CFAP65: variants seen among roughly 807,000 people sequenced by gnomAD.
CFAP65 encodes cilia and flagella associated protein 65.
A neutral mutation model predicts 208.0 loss-of-function variants in CFAP65; 155 were observed. The ratio of observed to expected loss-of-function variants is 0.75; its 90% CI spans 0.65 to 0.85. The LOEUF (loss-of-function observed/expected upper bound fraction) is 0.85, where lower values mean the gene tolerates loss of function less well. Ranked by LOEUF, CFAP65 falls within the 40% of genes least tolerant of loss-of-function variation. The probability of loss-of-function intolerance (pLI) is 0.00; values close to 1 mark genes in which losing one functional copy is unlikely to be tolerated. For missense variants in CFAP65, 2,294 were observed against 2,451.3 expected (o/e 0.94, Z 1.36); for synonymous variants, 970 against 986.3 (o/e 0.98, Z 0.31).
rs1210145855 is a variant in CFAP65, at chr2:219,024,194, T to A, written c.2416A>T (p.Lys806Ter). The A allele has an allele frequency of 2.5e-6, 4 of 1,613,836 alleles. No homozygotes were observed. The African/African-American group carries it at 4.0e-5, about 16-fold the overall frequency. ...RSLLLVNKDCKLLTFSLAPQR... is the reference protein window; with the variant it reads ...RSLLLVNKDC ...GGGGCCAGGCTGAAGGTCAGCAGCT[T>A]GCAGTCTTTGTTGACCAGGAGCAGG... Residue 806 changes from lysine to a stop codon, truncating the protein, a stop_gained, in exon 15 of 35, where the codon AAG becomes TAG. Coordinates refer to ENST00000341552, the MANE Select transcript of CFAP65 (RefSeq NM_194302.4). LOFTEE classifies it high-confidence loss of function.
intron 4 of CFAP65, among the ~76,000 whole-genome samples, 160 bp from the exon 5 acceptor site, chr2:219,035,824 T>C (rs1031346759): frequency 6.6e-6 from 1 of 151,992 alleles, no homozygotes. Context: ...CCCTTGGGGA[T>C]GGTCTGGAGA....
intron 21 of CFAP65, among the ~76,000 whole-genome samples, chr2:219,017,526 C>A (rs1946980261): frequency 6.6e-6 from 1 of 152,192 alleles, no homozygotes; most frequent in Non-Finnish European, 1.5e-5. Flanking sequence ...AAAGGAAATA[C>A]AACAACAAAA....
chr2:219,006,420 T>A lies in CFAP65; in HGVS notation c.4719+45A>T, dbSNP rs781492313. The A allele has an allele frequency of 4.3e-6, 7 of 1,610,470 alleles. No individual in the cohort carries two copies. The African/African-American group carries it at 9.4e-5, about 22-fold the overall frequency. On this transcript the variant is annotated intron_variant, in intron 30 of 34. Transcript: ENST00000341552. ...TCTCTCTGGGAGCAAGCAAGGACCC[T>A]CCCAAGTTGTCCCAAGAAGATGGGC...
rs749896360 is a variant in CFAP65, at chr2:219,028,296, C to T, written c.1756G>A (p.Gly586Ser). 1.2e-6 allele frequency: 2 copies of T among 1,614,108 alleles called. No individual in the cohort carries two copies. Among genetic ancestry groups the T allele is most frequent in the South Asian group, 2.2e-5 (2 of 91,078 alleles). ...ATGTCAGGGGGGTAGAGCGTCAGGC[C>T]CCGGGCCAGGTGTGTGCGGTACCAG... The part of the protein sequence containing the change: ...LTWYRTHLAR[G>S]LTLYPPDILD... The change falls in exon 12 of 35, where the codon GGC becomes AGC. Residue 586 changes from glycine to serine, a missense_variant. Around this residue, in one of 2 missense-constraint regions of CFAP65, gnomAD observed 867 missense variants for 1,012.6 expected, o/e 0.86. Transcript: ENST00000341552.
rs978317835 is a variant in CFAP65, at chr2:219,035,566, A to G, written c.456T>C (p.His152=). The change falls in exon 5 of 35, where the codon CAT becomes CAC. Residue 152 remains histidine (H), a synonymous_variant. Transcript: ENST00000341552. ...CCTTTCCTAGCTCCCAGCCTTTCCA[A>G]TGCAGCTCCTCAGCCACCTCAATGC... ...IWGIEVAEEL[H]WKGWELGKET... 1.9e-6 allele frequency: 3 copies of G among 1,613,832 alleles called. No individual in the cohort carries two copies. The highest frequency in any genetic ancestry group is 2.2e-5 in the East Asian group (1 of 44,892).
At chr2:219,034,397 C>T (rs1337948473) in intron 5 of CFAP65, 1 of 151,888 alleles carries the variant, frequency 6.6e-6, no homozygotes, top group Non-Finnish European at 1.5e-5. Context: ...AGACAAAAGA[C>T]AAATATAAAA....
At chr2:219,024,475 C>A (rs61682338) in intron 14 of CFAP65, among the ~76,000 whole-genome samples, 2,000 of 32,910 alleles carry the variant, frequency 0.061, 214 homozygotes, top group African/African-American at 0.14. Flanking sequence ...CAGAAAGGGG[C>A]GGGGGGGGGG....
intron 5 of CFAP65, 69 bp downstream of exon 5, chr2:219,035,411 G>C: frequency 6.2e-7 from 1 of 1,613,624 alleles, no homozygotes; most frequent in South Asian, 1.1e-5. Flanking sequence ...GTTTTGTTTT[G>C]TTTTGAAGAG....
At chr2:219,013,011 G>T (rs911493496) in intron 24 of CFAP65, among the ~76,000 whole-genome samples, 13 of 151,890 alleles carry the variant, frequency 8.6e-5, no homozygotes, top group Non-Finnish European at 1.5e-4. Flanking sequence ...TTTTGCTAAA[G>T]GAAAAAAAAA....
At chr2:219,027,553 G>A in intron 13 of CFAP65, 97 bp downstream of exon 13, 1 of 1,612,968 alleles carries the variant, frequency 6.2e-7, no homozygotes, top group South Asian at 1.1e-5. Flanking sequence ...AGAGGATGGA[G>A]CCTGAAGCTG....
In CFAP65 at chr2:219,004,820, G is replaced by C. The variant is rs1945817483; in HGVS notation, c.5052-365C>G. ...TCCATCAGAGCCCCACTGTCCTGGGGTGGGGGGGCCGGGGGGGGGGACCGT... is the reference window on the plus strand; with the variant it reads ...TCCATCAGAGCCCCACTGTCCTGGGCTGGGGGGGCCGGGGGGGGGGACCGT... On this transcript the variant is annotated intron_variant, in intron 32 of 34. Transcript: ENST00000341552. This position sits in a 1 kb window ranked among gnomAD's most constrained non-coding sequence, Gnocchi z 4.7. Among the ~76,000 whole-genome samples, 1 of 148,072 alleles carries C rather than the reference G, an allele frequency of 6.8e-6. No homozygotes were observed. The highest frequency in any genetic ancestry group is 1.5e-5 in the Non-Finnish European group (1 of 67,248).
chr2:219,029,596 G>C lies in CFAP65; in HGVS notation c.1457C>G (p.Pro486Arg), dbSNP rs144069900. 6 of 1,614,014 alleles carry C rather than the reference G, an allele frequency of 3.7e-6. No individual in the cohort carries two copies. In the African/African-American group the frequency reaches 6.7e-5, roughly 18 times the overall value. ...GTCCGATTGGTTCTCAATCCACAGG[G>C]GCTGCTCGGAGCGCTCCCCAAGGTT... The part of the protein sequence containing the change: ...WVNLGERSEQ[P>R]LWIENQSDCT... Residue 486 changes from proline (P) to arginine (R), a missense_variant, in exon 11 of 35, where the codon CCC (proline) becomes CGC (arginine). Physicochemically the swap from Pro to Arg is moderately radical, Grantham distance 103. Around this residue, in one of 2 missense-constraint regions of CFAP65, gnomAD observed 867 missense variants for 1,012.6 expected, o/e 0.86. Transcript: ENST00000341552.
At chr2:219,009,680 G>A (rs193248824) in intron 27 of CFAP65, among the ~76,000 whole-genome samples, 1 of 77,244 alleles carries the variant, frequency 1.3e-5, no homozygotes, top group Admixed American at 1.1e-4. Context: ...ATGGGGTGGG[G>A]TGGGGTGGGG....
chr2:219,013,044 G>T (rs1946590987), intron 24 of CFAP65, among the ~76,000 whole-genome samples: 2 of 152,122 alleles, frequency 1.3e-5, no homozygotes, highest in Non-Finnish European at 2.9e-5. Context: ...AATTGGAACT[G>T]GGCCTGGCAA....
chr2:219,039,845 C>G (rs1006356047), intron 2 of CFAP65, among the ~76,000 whole-genome samples: 1 of 152,140 alleles, frequency 6.6e-6, no homozygotes, highest in African/African-American at 2.4e-5. Flanking sequence ...TATTGGCTAC[C>G]ACATTGGACA....
rs747538362 is a variant in CFAP65, at chr2:219,030,083, G to A, written c.1287C>T (p.His429=). 1.6e-5 allele frequency: 26 copies of A among 1,614,148 alleles called. No homozygotes were observed. Among genetic ancestry groups the A allele is most frequent in the Non-Finnish European group, 2.2e-5 (26 of 1,180,018 alleles). The change falls in exon 10 of 35, where the codon CAC becomes CAT. Residue 429 remains histidine, a synonymous_variant. Transcript: ENST00000341552. ...CAGTTCTGGTGTCCAGAGTCTTGGG[G>A]TGGAAGAACACCGACACACATTTCT... ...GEKKCVSVFF[H]PKTLDTRTVD... is the part of the protein sequence containing the mutation.
In CFAP65 at chr2:219,013,499, C is replaced by T. The variant is rs1346546351; in HGVS notation, c.3846+20G>A. 2.2e-5 allele frequency: 35 copies of T among 1,589,752 alleles called. No homozygotes were observed. The highest frequency in any genetic ancestry group is 2.7e-5 in the Non-Finnish European group (32 of 1,169,408). On this transcript the variant is annotated intron_variant, in intron 23 of 34. Transcript: ENST00000341552. ...CCTCCAGCCTGAAACTAGGGCAGGG[C>T]CAGTGTGCTGGGGCCTCACCAGGAT...
At chr2:219,006,345 A>G (rs1488665311) in intron 30 of CFAP65, 120 bp downstream of exon 30, 30 of 1,487,182 alleles carry the variant, frequency 2.0e-5, no homozygotes, top group Non-Finnish European at 2.8e-5. Context: ...GACCCCACTC[A>G]TTGGCACTTT....
chr2:219,035,996 G>A (rs998894513), intron 4 of CFAP65, among the ~76,000 whole-genome samples: 2 of 152,160 alleles, frequency 1.3e-5, no homozygotes, highest in Admixed American at 1.3e-4. Flanking sequence ...GTTCCTCAGT[G>A]CACCCTCAGA....
Sources: gnomAD v4.1 joint callset for allele counts (sites outside exome capture counted in the v4.1 genomes callset) on GRCh38, gnomAD v4.1.1 for gene constraint, gnomAD v4.1.1 regional missense constraint, Gnocchi (gnomAD v3.1) non-coding constraint, MANE v1.5 for transcripts, NCBI Gene and HGNC (gene_info 2026-07-23, HGNC 2026-07-21) for gene names.